The following ADCY8 variants were observed in gnomAD, a reference collection of about 807,000 sequenced individuals.
The protein encoded by ADCY8 is adenylate cyclase type 8.
ADCY8 carries 51 observed loss-of-function variants against 119.7 expected under a neutral mutation model. The observed-to-expected ratio is 0.43, with a 90% CI of 0.34 to 0.54. ADCY8 has a LOEUF of 0.54. Among genes scored for constraint, ADCY8 ranks in the 20% least tolerant of loss-of-function variants. The pLI, the probability that ADCY8 is intolerant of heterozygous loss-of-function variation, is 0.03. For missense variants in ADCY8, 1,383 were observed against 1,598.8 expected (o/e 0.87, Z 2.30); for synonymous variants, 665 against 651.0 (o/e 1.02, Z -0.33).
chr8:130,903,464 G>T (rs796284104), intron 7 of ADCY8, among the ~76,000 whole-genome samples: 13 of 124,712 alleles, frequency 1.0e-4, no homozygotes, highest in African/African-American at 1.3e-4. Flanking sequence ...AACATGAGTG[G>T]TTTTTTTTTT....
intron 11 of ADCY8, among the ~76,000 whole-genome samples, chr8:130,846,877 CTTCCCTTCCCT>C (rs1817336876): frequency 5.8e-5 from 2 of 34,506 alleles, no homozygotes; most frequent in African/African-American, 3.0e-4. Flanking sequence ...CTTCCCTTCC[CTTCCCTTCCCT>C]TTCCTTCCTT....
intron 1 of ADCY8, among the ~76,000 whole-genome samples, chr8:131,023,052 G>A (rs1039744739): frequency 1.3e-5 from 2 of 152,156 alleles, no homozygotes; most frequent in Non-Finnish European, 2.9e-5. Context: ...AATGACTCTA[G>A]CTAGGTTAAA....
intron 1 of ADCY8, among the ~76,000 whole-genome samples, chr8:130,992,412 T>TG (rs772321544): frequency 0.52 from 63,092 of 121,244 alleles, 18,408 homozygotes; most frequent in East Asian, 0.85. Context: ...TATATATATA[T>TG]ATATATATAT....
rs60504260 is a variant in ADCY8, at chr8:130,894,209, C to T, written c.1912-9448G>A. 4.0e-3 allele frequency among the ~76,000 whole-genome samples: 605 copies of T among 152,252 alleles called. 4 individuals are homozygous for T. Among genetic ancestry groups the T allele is most frequent in the African/African-American group, 0.014 (593 of 41,528 alleles). On this transcript the variant is annotated intron_variant, in intron 7 of 17. Transcript: ENST00000286355. The stretch of plus-strand genomic sequence containing the variant: ...ATCTCTTACTTTTCACCAGTTGTGT[C>T]AGGGCAAAACTGGGAAAAGAAGAAA...
intron 8 of ADCY8, among the ~76,000 whole-genome samples, chr8:130,880,675 T>C (rs374963056): frequency 9.2e-5 from 14 of 152,294 alleles, no homozygotes; most frequent in Admixed American, 6.5e-4. Flanking sequence ...GGCTGGGTAG[T>C]GAAGGAAGAT....
chr8:130,882,986 T>G (rs985370622), intron 8 of ADCY8, among the ~76,000 whole-genome samples: 1 of 152,160 alleles, frequency 6.6e-6, no homozygotes, highest in Non-Finnish European at 1.5e-5. Context: ...GGCTAGACTG[T>G]CAATGGGCAA....
intron 3 of ADCY8, among the ~76,000 whole-genome samples, chr8:130,945,457 C>T (rs998829660): frequency 6.6e-6 from 1 of 152,214 alleles, no homozygotes; most frequent in African/African-American, 2.4e-5. Context: ...CAAATCTTAG[C>T]TCACCACTTA....
At chr8:131,028,864 G>C (rs551570148) in intron 1 of ADCY8, among the ~76,000 whole-genome samples, 14 of 152,284 alleles carry the variant, frequency 9.2e-5, no homozygotes. Context: ...TGGAAGTGTG[G>C]GAGTACCTCC....
At chr8:130,809,617 A>G (rs532786816) in intron 14 of ADCY8, among the ~76,000 whole-genome samples, 4 of 152,284 alleles carry the variant, frequency 2.6e-5, no homozygotes, top group Admixed American at 2.6e-4. Context: ...AATTAGAATC[A>G]TATTACAGTT....
Position 130,836,463 on chromosome 8 carries a change from A to C in ADCY8, c.2503-14T>G. ...GAAGACAAAGTACTGGAAACAGAGA[A>C]TGCAGGTGGTCAGATTCAATGGGGG... On this transcript the variant is annotated splice_polypyrimidine_tract_variant and intron_variant, in intron 11 of 17. Transcript: ENST00000286355. The C allele has an allele frequency of 6.2e-7, 1 of 1,611,238 alleles. No homozygotes were observed. Among genetic ancestry groups the C allele is most frequent in the South Asian group, 1.1e-5 (1 of 90,564 alleles).
chr8:130,965,177 GT>G (rs1226769217), intron 2 of ADCY8, among the ~76,000 whole-genome samples: 2 of 152,102 alleles, frequency 1.3e-5, no homozygotes, highest in African/African-American at 4.8e-5. Context: ...AAGCTCTTTA[GT>G]TTAATTAGGT....
intron 2 of ADCY8, among the ~76,000 whole-genome samples, chr8:130,957,970 A>G (rs1040214859): frequency 6.6e-6 from 1 of 152,230 alleles, no homozygotes; most frequent in South Asian, 2.1e-4. Context: ...GCAGTGCAGA[A>G]GGGAAATGTG....
rs188051291 is a variant in ADCY8 at position 130,864,898 on chromosome 8, C to A, written c.2210+2948G>T. On this transcript the variant is annotated intron_variant, in intron 9 of 17. Transcript: ENST00000286355. ...TTTGCCTCTTCTTTTTTTTGGTGTG[C>A]CTTGTAATTTTCTGTTGAAAACTGT... Among the ~76,000 whole-genome samples the A allele has an allele frequency of 3.3e-5, 5 of 151,558 alleles. No homozygotes were observed. In the East Asian group the frequency reaches 9.7e-4, roughly 29 times the overall value.
At chr8:130,924,286 G>A (rs374734379) in intron 5 of ADCY8, among the ~76,000 whole-genome samples, 11 of 152,150 alleles carry the variant, frequency 7.2e-5, no homozygotes, top group South Asian at 4.1e-4. Context: ...TAAGAAGAGC[G>A]TTAGTTTGGA....
intron 1 of ADCY8, 132 bp from the exon 2 acceptor site, chr8:130,990,674 T>C (rs1415772473): frequency 4.3e-6 from 5 of 1,156,102 alleles, no homozygotes; most frequent in South Asian, 1.6e-5. Context: ...CGCATGTTTG[T>C]AGAGCTATGC....
chr8:130,860,528 T>G (rs1185297465), intron 9 of ADCY8, among the ~76,000 whole-genome samples: 1 of 152,246 alleles, frequency 6.6e-6, no homozygotes, highest in Non-Finnish European at 1.5e-5. Context: ...TTTATAGTTT[T>G]GCATTTGGGT....
intron 4 of ADCY8, among the ~76,000 whole-genome samples, chr8:130,943,069 C>T (rs1821004053): frequency 6.6e-6 from 1 of 152,136 alleles, no homozygotes. Flanking sequence ...CAAGGGGAAG[C>T]AATGATAGGG....
At chr8:130,840,868 C>A (rs139277439) in intron 11 of ADCY8, among the ~76,000 whole-genome samples, 77 of 152,226 alleles carry the variant, frequency 5.1e-4, no homozygotes, top group Non-Finnish European at 8.7e-4. Flanking sequence ...CCAGCAATCT[C>A]TGATACAGGA....
intron 10 of ADCY8, among the ~76,000 whole-genome samples, chr8:130,848,979 T>G (rs1464118162): frequency 6.6e-6 from 1 of 152,232 alleles, no homozygotes; most frequent in African/African-American, 2.4e-5. Context: ...AAATGCAGTT[T>G]CCTCATCCAT....
Sources: allele counts gnomAD v4.1 joint callset (sites outside exome capture counted in the v4.1 genomes callset), GRCh38; gene constraint gnomAD v4.1.1; transcripts MANE v1.5; gene names NCBI Gene and HGNC (gene_info 2026-07-23, HGNC 2026-07-21).